LINGO2: variants seen among roughly 807,000 people sequenced by gnomAD.
LINGO2 encodes the protein leucine-rich repeat and immunoglobulin-like domain-containing nogo receptor-interacting protein 2.
In LINGO2, 14 loss-of-function variants were observed where a neutral mutation model predicts 30.6. The ratio of observed to expected loss-of-function variants is 0.46; its 90% confidence interval spans 0.30 to 0.72. The LOEUF (loss-of-function observed/expected upper bound fraction) is 0.72, where lower values mean the gene tolerates loss of function less well. Ranked by LOEUF, LINGO2 falls within the 30% of genes least tolerant of loss-of-function variation. LINGO2 has a pLI of 0.07. For synonymous variants in LINGO2, 317 were observed against 288.5 expected (o/e 1.10, Z -1.00); for missense variants, 729 against 751.7 (o/e 0.97, Z 0.35).
In LINGO2 at chr9:28,528,279, A is replaced by C. The variant is rs145714034; in HGVS notation, c.-364-52254T>G. On this transcript the variant is annotated intron_variant, in intron 1 of 5. Coordinates refer to ENST00000379992, the Ensembl canonical transcript of LINGO2. ...TTGCCACATGATAAGTTGCAGCATAAAGCAATGCACAATTCAGAACTGGGG... is the reference window on the plus strand; with the variant it reads ...TTGCCACATGATAAGTTGCAGCATACAGCAATGCACAATTCAGAACTGGGG... 1.7e-3 allele frequency among the ~76,000 whole-genome samples: 262 copies of C among 152,310 alleles called. 1 individual carries two copies. The highest frequency in any genetic ancestry group is 5.8e-3 in the African/African-American group (242 of 41,570).
intron 4 of LINGO2, among the ~76,000 whole-genome samples, chr9:28,271,996 C>T (rs900346548): frequency 6.6e-6 from 1 of 152,180 alleles, no homozygotes; most frequent in East Asian, 1.9e-4. Flanking sequence ...GTTGTAAATG[C>T]TTGCCAAGCA....
chr9:28,702,815 A>G, the LINGO2 span, among the ~76,000 whole-genome samples: 3 of 151,886 alleles, frequency 2.0e-5, no homozygotes, highest in Non-Finnish European at 4.4e-5. Flanking sequence ...TTTCATATAT[A>G]TAGGCTTACT....
rs549287356 is a variant in LINGO2 at position 28,085,586 on chromosome 9, T to C, written c.-86-73181A>G. Among the ~76,000 whole-genome samples, 46 of 152,154 alleles carry C rather than the reference T, an allele frequency of 3.0e-4. 1 individual carries two copies. The highest frequency in any genetic ancestry group is 1.5e-4 in the Non-Finnish European group (10 of 67,994). On this transcript the variant is annotated intron_variant, in intron 4 of 5. Transcript: ENST00000379992. Reference sequence around the variant, plus strand: ...AAAGTGGACCAAATGGACTGCCTTATTGGAACCACTGCTGGCCATTCTCAG... The same window carrying C: ...AAAGTGGACCAAATGGACTGCCTTACTGGAACCACTGCTGGCCATTCTCAG...
intron 1 of LINGO2, among the ~76,000 whole-genome samples, chr9:28,560,081 GAAAAAAAA>G (rs57723247): frequency 8.1e-6 from 1 of 123,484 alleles, no homozygotes; most frequent in East Asian, 2.3e-4. Context: ...TATTTAGGAG[GAAAAAAAA>G]AAAAAAAAGA....
chr9:28,431,242 G>T (rs987214751), intron 2 of LINGO2, among the ~76,000 whole-genome samples: 1 of 152,120 alleles, frequency 6.6e-6, no homozygotes, highest in African/African-American at 2.4e-5. Flanking sequence ...GGTGGAGAAG[G>T]TAATCTAAGA....
At chr9:28,910,162 T>C in the LINGO2 span, among the ~76,000 whole-genome samples, 1 of 152,090 alleles carries the variant, frequency 6.6e-6, no homozygotes, top group South Asian at 2.1e-4. Flanking sequence ...ACCAATGTTA[T>C]ATAGTACTCT....
At chr9:27,969,032 T>A (rs1344923427) in intron 5 of LINGO2, among the ~76,000 whole-genome samples, 1 of 151,966 alleles carries the variant, frequency 6.6e-6, no homozygotes, top group African/African-American at 2.4e-5. Flanking sequence ...TACATTAATA[T>A]AATATACATG....
In LINGO2 at chr9:28,600,848, C is replaced by T. The variant is rs530165247; in HGVS notation, c.-365+69352G>A. On this transcript the variant is annotated intron_variant, in intron 1 of 5. Coordinates refer to ENST00000379992, the Ensembl canonical transcript of LINGO2. ...AAGTCTTGTTTTTACCATGAATTTA[C>T]ACTCTGTATATAAAAAGAAAGAATA... Among the ~76,000 whole-genome samples, 4 of 152,156 alleles carry T rather than the reference C, an allele frequency of 2.6e-5. 1 individual carries two copies. The South Asian group carries it at 8.3e-4, about 32-fold the overall frequency.
At chr9:28,651,825 T>A (rs1233526888) in intron 1 of LINGO2, among the ~76,000 whole-genome samples, 1 of 152,162 alleles carries the variant, frequency 6.6e-6, no homozygotes, top group Non-Finnish European at 1.5e-5. Context: ...TACAGAAACA[T>A]CCATTTAATT....
At chr9:29,127,697 C>T in the LINGO2 span, among the ~76,000 whole-genome samples, 1 of 152,072 alleles carries the variant, frequency 6.6e-6, no homozygotes, top group African/African-American at 2.4e-5. Context: ...TGGAGCCACT[C>T]TCTGGCATTA....
chr9:28,982,716 T>C, the LINGO2 span, among the ~76,000 whole-genome samples: 1 of 152,032 alleles, frequency 6.6e-6, no homozygotes. Flanking sequence ...GAATTGCATG[T>C]AGTAGTCATT....
the LINGO2 span, among the ~76,000 whole-genome samples, chr9:28,747,363 C>G: frequency 2.2e-3 from 338 of 152,132 alleles, 5 homozygotes; most frequent in African/African-American, 7.9e-3. Flanking sequence ...AAAGCCACCT[C>G]CACCACTCAA....
chr9:28,125,060 T>C (rs1827199934), intron 4 of LINGO2, among the ~76,000 whole-genome samples: 1 of 152,204 alleles, frequency 6.6e-6, no homozygotes, highest in African/African-American at 2.4e-5. Context: ...AAAGGAATTG[T>C]GCTTCTGGTA....
intron 4 of LINGO2, among the ~76,000 whole-genome samples, chr9:28,092,303 C>A (rs1483715284): frequency 6.6e-6 from 1 of 152,054 alleles, no homozygotes; most frequent in Non-Finnish European, 1.5e-5. Context: ...ACCCAAATGT[C>A]CATCAATGAT....
At chr9:28,671,552 C>T (rs1829012785), upstream of LINGO2, among the ~76,000 whole-genome samples, 4 of 142,624 alleles carry the variant, frequency 2.8e-5, no homozygotes, top group South Asian at 9.0e-4. Context: ...CAGAAAACCA[C>T]ATACCACATG....
At chr9:28,887,095 T>C in the LINGO2 span, among the ~76,000 whole-genome samples, 1 of 152,228 alleles carries the variant, frequency 6.6e-6, no homozygotes, top group African/African-American at 2.4e-5. Context: ...CTTGTACATA[T>C]AATGCTGTGT....
chr9:28,513,441 T>C (rs1820495834), intron 1 of LINGO2, among the ~76,000 whole-genome samples: 1 of 152,222 alleles, frequency 6.6e-6, no homozygotes, highest in African/African-American at 2.4e-5. Flanking sequence ...TACAGCTATA[T>C]AATCTTAGTT....
At chr9:28,409,384 A>T (rs1822654484) in intron 2 of LINGO2, among the ~76,000 whole-genome samples, 1 of 152,124 alleles carries the variant, frequency 6.6e-6, no homozygotes, top group Non-Finnish European at 1.5e-5. Context: ...TTCTTACGAT[A>T]GCAAGCACAA....
intron 2 of LINGO2, among the ~76,000 whole-genome samples, chr9:28,382,885 T>C (rs747259145): frequency 6.6e-6 from 1 of 152,110 alleles, no homozygotes; most frequent in African/African-American, 2.4e-5. Context: ...TCTTGATACA[T>C]TGAGATCACT....
Sources: gnomAD v4.1 joint callset for allele counts (sites outside exome capture counted in the v4.1 genomes callset) on GRCh38, gnomAD v4.1.1 for gene constraint, MANE v1.5 for transcripts, NCBI Gene and HGNC (gene_info 2026-07-23, HGNC 2026-07-21) for gene names.